Variants in SLC41A2 observed in about 807,000 individuals in gnomAD.
SLC41A2 encodes the protein solute carrier family 41 member 2.
SLC41A2 carries 32 observed loss-of-function variants against 58.3 expected under a neutral mutation model. That is an observed-to-expected ratio of 0.55 (90% confidence interval 0.41 to 0.74). The LOEUF (loss-of-function observed/expected upper bound fraction) is 0.74, where lower values mean the gene tolerates loss of function less well. Ranked by LOEUF, SLC41A2 falls within the 30% of genes least tolerant of loss-of-function variation. The pLI, the probability that SLC41A2 is intolerant of heterozygous loss-of-function variation, is 0.00. For synonymous variants in SLC41A2, 190 were observed against 235.0 expected (o/e 0.81, Z 1.75); for missense variants, 514 against 680.6 (o/e 0.76, Z 2.72).
chr12:104,829,195 T>A (rs1244197319), intron 10 of SLC41A2, among the ~76,000 whole-genome samples: 4 of 152,216 alleles, frequency 2.6e-5, no homozygotes, highest in Non-Finnish European at 5.9e-5. Context: ...AATGTGTACA[T>A]GCATATTCAT....
At chr12:104,899,927 A>C (rs1033393971) in intron 3 of SLC41A2, among the ~76,000 whole-genome samples, 3 of 151,878 alleles carry the variant, frequency 2.0e-5, no homozygotes, top group Admixed American at 2.0e-4. Flanking sequence ...TTGTTACCAG[A>C]CTCATTTAGG....
In SLC41A2 at chr12:104,802,118, TA is replaced by T. The variant is rs2040727216; in HGVS notation, c.*3033del. Among the ~76,000 whole-genome samples, 2 of 152,172 alleles carry T rather than the reference TA, an allele frequency of 1.3e-5. No individual in the cohort carries two copies. Among genetic ancestry groups the T allele is most frequent in the African/African-American group, 4.8e-5 (2 of 41,448 alleles). ...CTATGGTGTGGAATTTTTGGACACC[TA>T]CCAGAACACATATTACCATAAGTTT... On this transcript the variant is annotated 3_prime_UTR_variant, in exon 11 of 11. Transcript: ENST00000258538.
chr12:104,861,195 C>A, intron 8 of SLC41A2, 96 bp downstream of exon 8: 2 of 800,394 alleles, frequency 2.5e-6, no homozygotes, highest in Non-Finnish European at 1.9e-6. Flanking sequence ...GGAGGACAGA[C>A]CTCTTGAATC....
intron 6 of SLC41A2, among the ~76,000 whole-genome samples, chr12:104,881,757 A>C (rs948816016): frequency 1.3e-5 from 2 of 152,180 alleles, no homozygotes; most frequent in Admixed American, 1.3e-4. Context: ...TTTTGGAATA[A>C]GTGCAATGTG....
At chr12:104,869,066 C>G (rs1287708934) in intron 6 of SLC41A2, among the ~76,000 whole-genome samples, 1 of 152,158 alleles carries the variant, frequency 6.6e-6, no homozygotes, top group Non-Finnish European at 1.5e-5. Context: ...GTGGCATAAT[C>G]TTGGCTCAGT....
At chr12:104,857,611 T>C (rs2136402809) in intron 8 of SLC41A2, among the ~76,000 whole-genome samples, 1 of 152,074 alleles carries the variant, frequency 6.6e-6, no homozygotes, top group South Asian at 2.1e-4. Flanking sequence ...CCCAAATTTG[T>C]CCATCAATGA....
chr12:104,866,381 T>TAC (rs57548373), intron 7 of SLC41A2, 51 bp downstream of exon 7: 35,329 of 1,419,868 alleles, frequency 0.025, 95 homozygotes, highest in South Asian at 0.047. Flanking sequence ...CAGACAGACG[T>TAC]ACACACACAC....
At chr12:104,877,899 C>T (rs371311434) in intron 6 of SLC41A2, among the ~76,000 whole-genome samples, 77 of 152,132 alleles carry the variant, frequency 5.1e-4, no homozygotes, top group African/African-American at 1.7e-3. Context: ...GTCCCAGCTA[C>T]TCAGGAGGCT....
chr12:104,853,708 A>AATGTATGTATGTATGT (rs57299241), intron 8 of SLC41A2, among the ~76,000 whole-genome samples: 35 of 142,680 alleles, frequency 2.5e-4, no homozygotes, highest in East Asian at 1.0e-3. Flanking sequence ...TTTTTAAATA[A>AATGTATGTATGTATGT]ATGTATGTAT....
intron 7 of SLC41A2, 53 bp downstream of exon 7, chr12:104,866,379 C>A (rs552086001): frequency 2.8e-6 from 4 of 1,410,886 alleles, no homozygotes; most frequent in Admixed American, 4.9e-5. Flanking sequence ...GACAGACAGA[C>A]GTACACACAC....
At chr12:104,822,571 C>T (rs1566106010) in intron 10 of SLC41A2, among the ~76,000 whole-genome samples, 1 of 152,094 alleles carries the variant, frequency 6.6e-6, no homozygotes, top group Non-Finnish European at 1.5e-5. Context: ...GGAATATATG[C>T]TGTTTTATGA....
intron 2 of SLC41A2, among the ~76,000 whole-genome samples, chr12:104,916,539 A>C (rs1479494231): frequency 6.6e-6 from 1 of 152,160 alleles, no homozygotes; most frequent in Admixed American, 6.5e-5. Context: ...CAAAAGAACA[A>C]AGTTGGAGGC....
intron 3 of SLC41A2, among the ~76,000 whole-genome samples, chr12:104,901,422 A>T (rs2045553739): frequency 6.6e-6 from 1 of 152,148 alleles, no homozygotes. Context: ...CAGGAAAAAA[A>T]TTATTCAAGT....
At chr12:104,826,896 T>C (rs1381875440) in intron 10 of SLC41A2, among the ~76,000 whole-genome samples, 2 of 152,288 alleles carry the variant, frequency 1.3e-5, no homozygotes, top group East Asian at 1.9e-4. Flanking sequence ...GAGCTTTGTA[T>C]CATGTAAAGT....
chr12:104,869,308 A>T (rs1486638846), intron 6 of SLC41A2, among the ~76,000 whole-genome samples: 1 of 152,224 alleles, frequency 6.6e-6, no homozygotes, highest in Non-Finnish European at 1.5e-5. Flanking sequence ...TCCAATTTTT[A>T]AAAATCCTCA....
intron 1 of SLC41A2, among the ~76,000 whole-genome samples, chr12:104,941,953 A>G (rs11112247): frequency 0.072 from 11,029 of 152,296 alleles, 444 homozygotes; most frequent in Middle Eastern, 0.099. Context: ...ATGAATAAAC[A>G]GTTTTTATTC....
At chr12:104,862,196 G>A (rs2043238286) in intron 7 of SLC41A2, among the ~76,000 whole-genome samples, 1 of 152,046 alleles carries the variant, frequency 6.6e-6, no homozygotes, top group East Asian at 1.9e-4. Flanking sequence ...CAAAATATCA[G>A]ATCAAATGTT....
At chr12:104,824,159 G>A (rs529888237) in intron 10 of SLC41A2, among the ~76,000 whole-genome samples, 9 of 151,760 alleles carry the variant, frequency 5.9e-5, no homozygotes, top group South Asian at 4.2e-4. Flanking sequence ...ATGGACCTAC[G>A]TGAAGACAGG....
At chr12:104,847,416 A>G (rs1340458109) in intron 8 of SLC41A2, among the ~76,000 whole-genome samples, 6 of 151,994 alleles carry the variant, frequency 3.9e-5, no homozygotes, top group African/African-American at 1.5e-4. Flanking sequence ...ATGCTGGCCA[A>G]CATGCTGAAA....
Sources: gnomAD v4.1 joint callset for allele counts (sites outside exome capture counted in the v4.1 genomes callset) on GRCh38, gnomAD v4.1.1 for gene constraint, MANE v1.5 for transcripts, NCBI Gene and HGNC (gene_info 2026-07-23, HGNC 2026-07-21) for gene names.